ZHX2: variants seen among roughly 807,000 people sequenced by gnomAD.
The protein encoded by ZHX2 is zinc fingers and homeoboxes protein 2.
ZHX2 carries 6 observed loss-of-function variants against 21.9 expected under a neutral mutation model. That is an observed-to-expected ratio of 0.27 (90% CI 0.15 to 0.54). The LOEUF is 0.54. Ranked by LOEUF, ZHX2 falls within the 20% of genes least tolerant of loss-of-function variation. The pLI, the probability that ZHX2 is intolerant of heterozygous loss-of-function variation, is 0.95. For synonymous variants in ZHX2, 434 were observed against 437.1 expected (o/e 0.99, Z 0.09); for missense variants, 908 against 1,090.7 (o/e 0.83, Z 2.36).
At chr8:122,805,424 CA>C (rs1457027755) in intron 1 of ZHX2, among the ~76,000 whole-genome samples, 2 of 152,184 alleles carry the variant, frequency 1.3e-5, no homozygotes, top group Non-Finnish European at 2.9e-5. Flanking sequence ...AGTGACCCCC[CA>C]CCCCAGCAAG....
At chr8:122,835,268 G>A (rs1254664790) in intron 1 of ZHX2, among the ~76,000 whole-genome samples, 1 of 152,214 alleles carries the variant, frequency 6.6e-6, no homozygotes, top group African/African-American at 2.4e-5. Flanking sequence ...TAGCACCGGC[G>A]CTGAAGTAAG....
At chr8:122,890,632 C>A (rs1294402408) in intron 2 of ZHX2, among the ~76,000 whole-genome samples, 3 of 152,012 alleles carry the variant, frequency 2.0e-5, no homozygotes, top group African/African-American at 7.2e-5. Context: ...TCTTCAATTT[C>A]TTTCATTAGT....
At chr8:122,876,219 C>T (rs1221176050) in intron 2 of ZHX2, among the ~76,000 whole-genome samples, 1 of 147,266 alleles carries the variant, frequency 6.8e-6, no homozygotes, top group Non-Finnish European at 1.5e-5. Flanking sequence ...ACACTGACAA[C>T]TGGGGCAAAC....
At chr8:122,869,390 C>T (rs1302427598) in intron 2 of ZHX2, among the ~76,000 whole-genome samples, 2 of 151,452 alleles carry the variant, frequency 1.3e-5, no homozygotes, top group Non-Finnish European at 2.9e-5. Context: ...TGCAGTGCTG[C>T]GATCTCGGCT....
chr8:122,802,990 G>C (rs1817749881), intron 1 of ZHX2, among the ~76,000 whole-genome samples: 1 of 150,614 alleles, frequency 6.6e-6, no homozygotes, highest in African/African-American at 2.4e-5. Flanking sequence ...CGCTCTAGGG[G>C]ACCAGCGGGC....
chr8:122,788,213 AAT>A (rs1817437907), intron 1 of ZHX2, among the ~76,000 whole-genome samples: 1 of 152,220 alleles, frequency 6.6e-6, no homozygotes. Context: ...AATGTCATTT[AAT>A]CTGACCCTGA....
chr8:122,957,761 G>A (rs769200207), intron 3 of ZHX2, among the ~76,000 whole-genome samples: 11 of 152,166 alleles, frequency 7.2e-5, no homozygotes, highest in South Asian at 2.1e-4. Context: ...AGGAGCCACC[G>A]CGCCCCACCA....
At chr8:122,871,552 T>C (rs1819437553) in intron 2 of ZHX2, among the ~76,000 whole-genome samples, 1 of 137,252 alleles carries the variant, frequency 7.3e-6, no homozygotes, top group Admixed American at 7.2e-5. Context: ...GGGGGAGGGA[T>C]AGCATTAGGA....
In ZHX2 at chr8:122,969,842, T is replaced by A. The variant is rs1468534870; in HGVS notation, c.*5-3400T>A. 2.0e-5 allele frequency among the ~76,000 whole-genome samples: 3 copies of A among 152,318 alleles called. No homozygotes were observed. The East Asian group carries it at 5.8e-4, about 29-fold the overall frequency. On this transcript the variant is annotated intron_variant, in intron 3 of 3. Coordinates refer to ENST00000314393, the MANE Select transcript of ZHX2 (RefSeq NM_014943.5). ...CCTAGGGCCCTAGAGAAAGTTCTCC[T>A]GGGAAAATTAAAGAGAGACAGAAAC...
chr8:122,951,327 C>T lies in ZHX2; in HGVS notation c.-184C>T. 1 of 602,890 alleles carries T rather than the reference C, an allele frequency of 1.7e-6. No homozygotes were observed. The highest frequency in any genetic ancestry group is 2.9e-6 in the Non-Finnish European group (1 of 343,768). The allele number at this position is 602,890 out of a possible 1,614,324, so 37.3% of individuals were successfully genotyped here. A position where few individuals can be genotyped will look rare whatever the true frequency, so the allele number is the denominator to read the frequency against. ...TCCTGGTGTGTTTAGTGGTTGGTGC[C>T]ATTCCAATTTTCTGTGCTGAAATCA... On this transcript the variant is annotated 5_prime_UTR_variant, in exon 3 of 4. Coordinates refer to ENST00000314393, the MANE Select transcript of ZHX2 (RefSeq NM_014943.5).
At position 122,953,323 on chromosome 8, in the gene ZHX2, G is replaced by C; in HGVS notation, c.1813G>C (p.Gly605Arg). Reference protein sequence around the residue: ...MGSGKKGQDVGAPNGALSRLD... With the variant: ...MGSGKKGQDVRAPNGALSRLD... ...GTCTGGCAAAAAAGGCCAAGATGTG[G>C]GAGCCCCCAATGGTGCTCTGTCTCG... The change falls in exon 3 of 4, where the codon GGA (glycine) becomes CGA (arginine). Residue 605 changes from glycine to arginine, a missense_variant. Around this residue, in one of 4 missense-constraint regions of ZHX2, gnomAD observed 431 missense variants for 428.6 expected, o/e 1.01. Transcript: ENST00000314393. The surrounding 1 kb of genome is among the most constrained non-coding windows in gnomAD (Gnocchi z 4.6). 6.2e-7 allele frequency: 1 copy of C among 1,614,012 alleles called. No individual in the cohort carries two copies. Among genetic ancestry groups the C allele is most frequent in the East Asian group, 2.2e-5 (1 of 44,828 alleles).
At position 122,952,792 on chromosome 8, in the gene ZHX2, G is replaced by C. The variant is rs1307885974; in HGVS notation, c.1282G>C (p.Glu428Gln). ...GCGTCCACACATCGCTCAGGTGCCAGAGCCCCCACCCAAGGTGGCCAACCC... is the reference window on the plus strand; with the variant it reads ...GCGTCCACACATCGCTCAGGTGCCACAGCCCCCACCCAAGGTGGCCAACCC... ...PKRPHIAQVPEPPPKVANPPL... is the reference protein window; with the variant it reads ...PKRPHIAQVPQPPPKVANPPL... Residue 428 changes from glutamate (E) to glutamine (Q), a missense_variant, in exon 3 of 4, where the codon GAG becomes CAG. Coordinates refer to ENST00000314393, the MANE Select transcript of ZHX2 (RefSeq NM_014943.5). The surrounding 1 kb of genome is among the most constrained non-coding windows in gnomAD (Gnocchi z 6.9). 2.5e-6 allele frequency: 4 copies of C among 1,614,048 alleles called. No individual in the cohort carries two copies. The highest frequency in any genetic ancestry group is 3.4e-6 in the Non-Finnish European group (4 of 1,180,018).
At chr8:122,887,617 CA>C (rs1376570572) in intron 2 of ZHX2, among the ~76,000 whole-genome samples, 1 of 152,034 alleles carries the variant, frequency 6.6e-6, no homozygotes, top group Non-Finnish European at 1.5e-5. Context: ...GCGGTTTTTG[CA>C]ATTACTTTTC....
intron 2 of ZHX2, among the ~76,000 whole-genome samples, chr8:122,921,225 G>A (rs890527252): frequency 2.0e-5 from 3 of 152,058 alleles, no homozygotes; most frequent in African/African-American, 7.2e-5. Context: ...GAGATTACAG[G>A]CACCCACAAC....
intron 2 of ZHX2, among the ~76,000 whole-genome samples, chr8:122,922,946 A>T (rs1820773201): frequency 6.6e-6 from 1 of 152,152 alleles, no homozygotes; most frequent in South Asian, 2.1e-4. Context: ...GGGACTGCAA[A>T]GGGGGCAGTT....
chr8:122,809,415 G>A (rs549678342), intron 1 of ZHX2, among the ~76,000 whole-genome samples: 18 of 152,124 alleles, frequency 1.2e-4, no homozygotes, highest in Non-Finnish European at 2.1e-4. Context: ...CAGGAGAGTC[G>A]CTTGAACCTG....
intron 2 of ZHX2, among the ~76,000 whole-genome samples, chr8:122,944,190 T>A (rs1812913652): frequency 6.6e-6 from 1 of 152,192 alleles, no homozygotes; most frequent in Non-Finnish European, 1.5e-5. Context: ...TTGGACAGAC[T>A]GGTCAAATCC....
At chr8:122,811,297 C>T (rs1206652114) in intron 1 of ZHX2, among the ~76,000 whole-genome samples, 1 of 152,156 alleles carries the variant, frequency 6.6e-6, no homozygotes, top group African/African-American at 2.4e-5. Context: ...GGGAAAATTG[C>T]GTGAGCCCAG....
intron 3 of ZHX2, among the ~76,000 whole-genome samples, chr8:122,964,129 C>T (rs189699370): frequency 1.3e-5 from 2 of 152,098 alleles, no homozygotes; most frequent in Non-Finnish European, 2.9e-5. Context: ...CTTGTATGCC[C>T]TTTATTTCTT....
Sources: gnomAD v4.1 joint callset for allele counts (sites outside exome capture counted in the v4.1 genomes callset) on GRCh38, gnomAD v4.1.1 for gene constraint, gnomAD v4.1.1 regional missense constraint, Gnocchi (gnomAD v3.1) non-coding constraint, MANE v1.5 for transcripts, NCBI Gene and HGNC (gene_info 2026-07-23, HGNC 2026-07-21) for gene names.